Variants in ZFYVE28 observed in about 807,000 individuals in gnomAD.
The protein encoded by ZFYVE28 is zinc finger FYVE-type containing 28.
A neutral mutation model predicts 82.1 loss-of-function variants in ZFYVE28; 40 were observed. The ratio of observed to expected loss-of-function variants is 0.49; its 90% CI spans 0.38 to 0.63. ZFYVE28 has a LOEUF of 0.63. Among genes scored for constraint, ZFYVE28 ranks in the 30% least tolerant of loss-of-function variants. ZFYVE28 has a pLI of 0.00. For missense variants in ZFYVE28, 1,321 were observed against 1,242.1 expected (o/e 1.06, Z -0.96); for synonymous variants, 612 against 546.1 (o/e 1.12, Z -1.68).
intron 1 of ZFYVE28, among the ~76,000 whole-genome samples, chr4:2,401,380 G>A (rs1000155518): frequency 6.6e-6 from 1 of 152,186 alleles, no homozygotes; most frequent in African/African-American, 2.4e-5. Flanking sequence ...TGGGGCTAGG[G>A]CAGGAGTCCC....
In ZFYVE28 at chr4:2,305,041, GGGGTC is replaced by G; in HGVS notation, c.1294_1298del (p.Asp432ProfsTer64). The G allele has an allele frequency of 1.2e-6, 2 of 1,612,638 alleles. No homozygotes were observed. Among genetic ancestry groups the G allele is most frequent in the Non-Finnish European group, 1.7e-6 (2 of 1,179,828 alleles). On this transcript the variant is annotated frameshift_variant, in exon 8 of 13. Transcript: ENST00000290974. LOFTEE classifies it high-confidence loss of function. ...CTGGCCCACCCTGCCCTTTCTCCTGGGGGTCGGCCCAGGTACTGCCTGCCCACCCA... is the reference window on the plus strand; with the variant it reads ...CTGGCCCACCCTGCCCTTTCTCCTGGGGCCCAGGTACTGCCTGCCCACCCA...
intron 8 of ZFYVE28, among the ~76,000 whole-genome samples, chr4:2,275,532 C>T (rs1474295373): frequency 6.6e-6 from 1 of 151,888 alleles, no homozygotes; most frequent in Non-Finnish European, 1.5e-5. Flanking sequence ...TAATTTTTTT[C>T]AGTTGCCACT....
At chr4:2,393,836 G>C (rs1322302817) in intron 1 of ZFYVE28, among the ~76,000 whole-genome samples, 1 of 152,172 alleles carries the variant, frequency 6.6e-6, no homozygotes, top group Admixed American at 6.5e-5. Flanking sequence ...TCCCCAGGAG[G>C]CGTGTGCTAG....
chr4:2,407,118 G>A (rs1390295628), intron 1 of ZFYVE28, among the ~76,000 whole-genome samples: 2 of 110,208 alleles, frequency 1.8e-5, no homozygotes, highest in East Asian at 1.5e-3. Flanking sequence ...CCCGACTCCT[G>A]GGCCCCACCA....
intron 8 of ZFYVE28, among the ~76,000 whole-genome samples, chr4:2,303,333 C>T (rs188924382): frequency 1.3e-5 from 2 of 152,272 alleles, no homozygotes; most frequent in Admixed American, 1.3e-4. Flanking sequence ...TCTCCTGGGC[C>T]TGCCTGCCAT....
At chr4:2,354,453 A>ATTTT (rs11454323) in intron 1 of ZFYVE28, among the ~76,000 whole-genome samples, 4 of 122,542 alleles carry the variant, frequency 3.3e-5, no homozygotes, top group Non-Finnish European at 5.0e-5. Context: ...CTCTCAGGAA[A>ATTTT]TTTTTTTTTT....
At chr4:2,397,335 T>C (rs1344294622) in intron 1 of ZFYVE28, among the ~76,000 whole-genome samples, 1 of 151,874 alleles carries the variant, frequency 6.6e-6, no homozygotes, top group Non-Finnish European at 1.5e-5. Flanking sequence ...AAAATTAGCC[T>C]TACGTGGCGG....
At chr4:2,414,261 C>G (rs986298418) in intron 1 of ZFYVE28, among the ~76,000 whole-genome samples, 1 of 152,244 alleles carries the variant, frequency 6.6e-6, no homozygotes, top group African/African-American at 2.4e-5. Context: ...CTGCTCAGTC[C>G]TGGCAGGTTC....
At chr4:2,325,360 T>C (rs1719702259) in intron 6 of ZFYVE28, among the ~76,000 whole-genome samples, 2 of 152,184 alleles carry the variant, frequency 1.3e-5, no homozygotes, top group Admixed American at 6.5e-5. Context: ...AGATTCATAC[T>C]GCCAGTACAG....
Position 2,394,209 on chromosome 4 carries a change from G to T in ZFYVE28, c.39+24076C>A, listed in dbSNP as rs538563935. On this transcript the variant is annotated intron_variant, in intron 1 of 12. Coordinates refer to ENST00000290974, the MANE Select transcript of ZFYVE28 (RefSeq NM_020972.3). The surrounding 1 kb of genome is among the most constrained non-coding windows in gnomAD (Gnocchi z 4.0). The stretch of plus-strand genomic sequence containing the variant: ...ATAATCCAGGAAAATTTCATGATCG[G>T]AAGGTCAACTGACGAGCAGGCGTAG... Among the ~76,000 whole-genome samples, 1 of 152,294 alleles carries T rather than the reference G, an allele frequency of 6.6e-6. No homozygotes were observed. The highest frequency in any genetic ancestry group is 2.1e-4 in the South Asian group (1 of 4,816).
Position 2,332,218 on chromosome 4 carries a change from G to A in ZFYVE28, c.701+3487C>T, listed in dbSNP as rs1720817194. On this transcript the variant is annotated intron_variant, in intron 6 of 12. Transcript: ENST00000290974. The surrounding 1 kb of genome is among the most constrained non-coding windows in gnomAD (Gnocchi z 4.7). ...CCCCTCTGCTCTCAGTGTTCCCTGG[G>A]GGTCACCTGGGGGGTCCCAGGATGC... 6.6e-6 allele frequency among the ~76,000 whole-genome samples: 1 copy of A among 152,112 alleles called. No homozygotes were observed. Among genetic ancestry groups the A allele is most frequent in the Admixed American group, 6.5e-5 (1 of 15,278 alleles).
chr4:2,410,564 C>T (rs934245138), intron 1 of ZFYVE28, among the ~76,000 whole-genome samples: 5 of 150,960 alleles, frequency 3.3e-5, no homozygotes, highest in Non-Finnish European at 7.4e-5. Context: ...GGCACCATCT[C>T]GGCTCACTGC....
Position 2,417,365 on chromosome 4 carries a change from CG to C in ZFYVE28, c.39+919del, listed in dbSNP as rs1172301125. 2.0e-5 allele frequency among the ~76,000 whole-genome samples: 3 copies of C among 151,554 alleles called. No homozygotes were observed. The highest frequency in any genetic ancestry group is 2.9e-5 in the Non-Finnish European group (2 of 67,832). On this transcript the variant is annotated intron_variant, in intron 1 of 12. Coordinates refer to ENST00000290974, the MANE Select transcript of ZFYVE28 (RefSeq NM_020972.3). The surrounding 1 kb of genome is among the most constrained non-coding windows in gnomAD (Gnocchi z 4.8). ...GCGCCGAGCGCGCCCGGCCCTGCTC[CG>C]GCTGCAGCGGGCACGAGCCCCAGGC...
chr4:2,308,683 G>GAGAGAGAAAGAAAGA (rs1553830774), intron 7 of ZFYVE28, among the ~76,000 whole-genome samples: 14 of 81,442 alleles, frequency 1.7e-4, no homozygotes, highest in South Asian at 9.3e-4. Context: ...GAAAGAGAAA[G>GAGAGAGAAAGAAAGA]AAAGAAAAGA....
In ZFYVE28 at chr4:2,339,950, G is replaced by A. The variant is rs943555556; in HGVS notation, c.319-295C>T. On this transcript the variant is annotated intron_variant, in intron 3 of 12. Transcript: ENST00000290974. This position sits in a 1 kb window ranked among gnomAD's most constrained non-coding sequence, Gnocchi z 5.0. ...GGGAGGGGAGGGCAGGGGAGGGGAG[G>A]GGAGGGGAAGGTGGACTGAGGCCCT... Among the ~76,000 whole-genome samples, 3 of 150,866 alleles carry A rather than the reference G, an allele frequency of 2.0e-5. No individual in the cohort carries two copies. The East Asian group carries it at 5.9e-4, about 30-fold the overall frequency.
At chr4:2,319,155 G>A (rs1158788143) in intron 7 of ZFYVE28, 1 of 152,352 alleles carries the variant, frequency 6.6e-6, no homozygotes, top group Non-Finnish European at 1.5e-5. Context: ...GGGGGTGCAT[G>A]TGCCTTCCTG....
At chr4:2,350,978 A>G (rs1724339683) in intron 2 of ZFYVE28, among the ~76,000 whole-genome samples, 1 of 152,210 alleles carries the variant, frequency 6.6e-6, no homozygotes, top group Non-Finnish European at 1.5e-5. Context: ...CCAGAACCAT[A>G]AACGAAGTGT....
intron 1 of ZFYVE28, among the ~76,000 whole-genome samples, chr4:2,371,736 A>C (rs1398344990): frequency 6.6e-6 from 1 of 152,270 alleles, no homozygotes; most frequent in African/African-American, 2.4e-5. Context: ...AAACCTCTTC[A>C]GTGTCTTTAA....
At chr4:2,292,072 C>T (rs759655208) in intron 8 of ZFYVE28, among the ~76,000 whole-genome samples, 1 of 152,202 alleles carries the variant, frequency 6.6e-6, no homozygotes, top group Non-Finnish European at 1.5e-5. Context: ...GCTCCTCAGT[C>T]ACATCCAGGT....
Sources: gnomAD v4.1 joint callset for allele counts (sites outside exome capture counted in the v4.1 genomes callset) on GRCh38, gnomAD v4.1.1 for gene constraint, Gnocchi (gnomAD v3.1) non-coding constraint, MANE v1.5 for transcripts, NCBI Gene and HGNC (gene_info 2026-07-23, HGNC 2026-07-21) for gene names.